The following NXPE2 variants were observed in gnomAD, a reference collection of about 807,000 sequenced individuals.
The protein encoded by NXPE2 is neurexophilin and PC-esterase domain family member 2, also known as NXPE family member 2.
In NXPE2, 34 loss-of-function variants were observed where a neutral mutation model predicts 34.4. The ratio of observed to expected loss-of-function variants is 0.99; its 90% CI spans 0.75 to 1.31. The LOEUF (loss-of-function observed/expected upper bound fraction) is 1.31. Ranked by LOEUF, NXPE2 falls within the 40% of genes most tolerant of loss-of-function variation. NXPE2 has a pLI of 0.00. For missense variants in NXPE2, 649 were observed against 672.5 expected (o/e 0.97, Z 0.39); for synonymous variants, 235 against 231.3 (o/e 1.02, Z -0.15).
chr11:114,549,953 T>G, the NXPE2 span, among the ~76,000 whole-genome samples: 2 of 151,962 alleles, frequency 1.3e-5, no homozygotes, highest in African/African-American at 4.8e-5. Context: ...AAAATGGAAG[T>G]GACAATCCAA....
chr11:114,810,910 T>G, the NXPE2 span, among the ~76,000 whole-genome samples: 1 of 152,214 alleles, frequency 6.6e-6, no homozygotes, highest in African/African-American at 2.4e-5. Flanking sequence ...GTGGCACTAT[T>G]CACAATAGCA....
the NXPE2 span, among the ~76,000 whole-genome samples, chr11:114,725,899 A>C: frequency 6.6e-6 from 1 of 150,484 alleles, no homozygotes; most frequent in Non-Finnish European, 1.5e-5. Context: ...GAGAGTGGCT[A>C]TCTTGGCTTA....
At chr11:114,811,146 G>C in the NXPE2 span, among the ~76,000 whole-genome samples, 1 of 141,972 alleles carries the variant, frequency 7.0e-6, no homozygotes, top group East Asian at 2.2e-4. Flanking sequence ...GAGAACACAT[G>C]GACACAGGAA....
At chr11:114,775,388 G>A in the NXPE2 span, among the ~76,000 whole-genome samples, 1 of 152,174 alleles carries the variant, frequency 6.6e-6, no homozygotes, top group Non-Finnish European at 1.5e-5. Flanking sequence ...GTTGTTAGGG[G>A]GGGCAAGAGG....
the NXPE2 span, among the ~76,000 whole-genome samples, chr11:114,715,480 G>C: frequency 2.0e-5 from 3 of 152,096 alleles, no homozygotes; most frequent in Admixed American, 2.0e-4. Context: ...TTAAGCCTTT[G>C]ATTGATTTAT....
At chr11:114,574,938 C>G in the NXPE2 span, among the ~76,000 whole-genome samples, 4 of 152,072 alleles carry the variant, frequency 2.6e-5, no homozygotes, top group African/African-American at 7.2e-5. Flanking sequence ...ATGCTAAAAT[C>G]CTCACCAAAA....
At chr11:114,608,731 G>A in the NXPE2 span, among the ~76,000 whole-genome samples, 2 of 151,822 alleles carry the variant, frequency 1.3e-5, no homozygotes, top group Non-Finnish European at 2.9e-5. Flanking sequence ...TGCCTCGTGG[G>A]TAACCACTGT....
the NXPE2 span, among the ~76,000 whole-genome samples, chr11:114,501,676 A>G: frequency 6.6e-6 from 1 of 152,158 alleles, no homozygotes; most frequent in Non-Finnish European, 1.5e-5. Flanking sequence ...TGGATCAGAA[A>G]AGCTCCAAGA....
chr11:114,750,549 C>T, the NXPE2 span, among the ~76,000 whole-genome samples: 2 of 152,206 alleles, frequency 1.3e-5, no homozygotes, highest in Non-Finnish European at 1.5e-5. Context: ...TTCCCCATTT[C>T]CTTTCATTTC....
At chr11:114,477,856 T>C in the NXPE2 span, among the ~76,000 whole-genome samples, 1 of 151,928 alleles carries the variant, frequency 6.6e-6, no homozygotes, top group African/African-American at 2.4e-5. Flanking sequence ...TTCTTTTTCT[T>C]AGAGCATGGT....
the NXPE2 span, chr11:114,530,162 A>G: frequency 6.3e-7 from 1 of 1,579,394 alleles, no homozygotes; most frequent in Non-Finnish European, 8.6e-7. Context: ...GTATACATGA[A>G]AAGTATACTC....
At chr11:114,772,399 A>T in the NXPE2 span, among the ~76,000 whole-genome samples, 1 of 152,276 alleles carries the variant, frequency 6.6e-6, no homozygotes, top group Non-Finnish European at 1.5e-5. Flanking sequence ...TTCTGATTCT[A>T]AATCCTGAGA....
the NXPE2 span, among the ~76,000 whole-genome samples, chr11:114,740,948 TAA>T: frequency 6.6e-6 from 1 of 152,220 alleles, no homozygotes. Flanking sequence ...GTTTTTAACT[TAA>T]AGTCTATTTT....
downstream of NXPE2, among the ~76,000 whole-genome samples, chr11:114,708,819 A>G (rs1053893085): frequency 1.4e-4 from 21 of 152,180 alleles, no homozygotes; most frequent in African/African-American, 5.1e-4. Context: ...TCTTCCAACC[A>G]TTGCAATGTT....
chr11:114,718,951 T>A, the NXPE2 span, among the ~76,000 whole-genome samples: 1 of 152,162 alleles, frequency 6.6e-6, no homozygotes, highest in East Asian at 1.9e-4. Context: ...CATTTCTGTT[T>A]TAGTCCATCA....
chr11:114,549,227 C>A, the NXPE2 span, among the ~76,000 whole-genome samples: 1 of 151,906 alleles, frequency 6.6e-6, no homozygotes, highest in East Asian at 1.9e-4. Flanking sequence ...AAGTTCAGAG[C>A]ACTAGAAACA....
At chr11:114,710,407 A>C (rs1201016029), downstream of NXPE2, among the ~76,000 whole-genome samples, 1 of 152,190 alleles carries the variant, frequency 6.6e-6, no homozygotes, top group Non-Finnish European at 1.5e-5. Flanking sequence ...ATGGGCAATG[A>C]GACATTAAAA....
At chr11:114,723,158 A>T in the NXPE2 span, among the ~76,000 whole-genome samples, 1 of 152,172 alleles carries the variant, frequency 6.6e-6, no homozygotes, top group Non-Finnish European at 1.5e-5. Context: ...GAGGAACTGG[A>T]TTGGAGACGG....
the NXPE2 span, among the ~76,000 whole-genome samples, chr11:114,807,756 C>A: frequency 6.6e-6 from 1 of 151,826 alleles, no homozygotes; most frequent in Non-Finnish European, 1.5e-5. Flanking sequence ...GACTTTAACA[C>A]CCCACTGTCA....
Sources: allele counts gnomAD v4.1 joint callset (sites outside exome capture counted in the v4.1 genomes callset), GRCh38; gene constraint gnomAD v4.1.1; transcripts MANE v1.5; gene names NCBI Gene and HGNC (gene_info 2026-07-23, HGNC 2026-07-21).